The following CDKL3 variants were observed in gnomAD, a reference collection of about 807,000 sequenced individuals.
CDKL3 encodes the protein cyclin-dependent kinase-like 3.
CDKL3 carries 65 observed loss-of-function variants against 69.3 expected under a neutral mutation model. The ratio of observed to expected loss-of-function variants is 0.94; its 90% confidence interval spans 0.77 to 1.15. The LOEUF (loss-of-function observed/expected upper bound fraction) is 1.15, where lower values mean the gene tolerates loss of function less well. Ranked by LOEUF, CDKL3 falls within the 50% of genes most tolerant of loss-of-function variation. The pLI is 0.00. For synonymous variants in CDKL3, 202 were observed against 221.6 expected (o/e 0.91, Z 0.79); for missense variants, 652 against 689.2 (o/e 0.95, Z 0.61).
chr5:134,294,022 T>C (rs753872278), downstream of CDKL3, among the ~76,000 whole-genome samples: 1 of 152,034 alleles, frequency 6.6e-6, no homozygotes, highest in Middle Eastern at 3.4e-3. Context: ...GGTGGGAGGA[T>C]TGCTTGAGCC....
chr5:134,347,717 A>G (rs1466313558), intron 4 of CDKL3, among the ~76,000 whole-genome samples: 1 of 151,334 alleles, frequency 6.6e-6, no homozygotes, highest in Non-Finnish European at 1.5e-5. Flanking sequence ...AAAAAAAAAA[A>G]AAAAGAAATG....
chr5:134,297,887 AGTTTGT>A (rs1221919041), downstream of CDKL3, among the ~76,000 whole-genome samples: 36 of 121,482 alleles, frequency 3.0e-4, no homozygotes, highest in South Asian at 5.6e-3. Context: ...AACCATGAAT[AGTTTGT>A]GTGTGTGTGT....
intron 8 of CDKL3, among the ~76,000 whole-genome samples, chr5:134,288,814 G>A (rs963093253): frequency 3.3e-5 from 5 of 152,080 alleles, no homozygotes; most frequent in Admixed American, 6.6e-5. Flanking sequence ...AACTGAGGCA[G>A]CAAAGCACCA....
intron 1 of CDKL3, 82 bp downstream of exon 1, chr5:134,366,895 G>C (rs931950165): frequency 4.0e-6 from 4 of 1,003,212 alleles, no homozygotes; most frequent in Non-Finnish European, 4.8e-6. Context: ...CACTACTGCA[G>C]TCGCCCACTT....
intron 4 of CDKL3, among the ~76,000 whole-genome samples, chr5:134,330,934 AG>A (rs996643262): frequency 5.9e-5 from 9 of 152,206 alleles, no homozygotes. Context: ...GGATAATGTT[AG>A]TAAAGCCAGG....
intron 2 of CDKL3, among the ~76,000 whole-genome samples, chr5:134,363,457 C>CTT (rs869177235): frequency 1.0e-3 from 107 of 105,442 alleles, no homozygotes; most frequent in Non-Finnish European, 1.3e-3. Context: ...CCATGGCCGG[C>CTT]TTTTTTTTTT....
chr5:134,363,524 A>C (rs1756581298), intron 2 of CDKL3, among the ~76,000 whole-genome samples: 1 of 143,756 alleles, frequency 7.0e-6, no homozygotes, highest in African/African-American at 2.6e-5. Flanking sequence ...GCAGTGGCGC[A>C]ATCTCAGCTC....
chr5:134,371,502 G>T (rs1758404033), upstream of CDKL3: 2 of 1,501,068 alleles, frequency 1.3e-6, no homozygotes, highest in Non-Finnish European at 8.9e-7. Flanking sequence ...CGGCGGCGGC[G>T]GCGATCCACA....
intron 3 of CDKL3, 85 bp downstream of exon 3, chr5:134,359,812 C>A: frequency 2.3e-6 from 2 of 871,508 alleles, no homozygotes; most frequent in Non-Finnish European, 3.5e-6. Context: ...AGAATGTTAG[C>A]CACCTTCATA....
chr5:134,357,924 C>G (rs1434320660), intron 3 of CDKL3, among the ~76,000 whole-genome samples: 2 of 151,996 alleles, frequency 1.3e-5, no homozygotes, highest in African/African-American at 4.8e-5. Flanking sequence ...GCTCAAGAAC[C>G]TTCAATGGGC....
At chr5:134,300,345 T>C (rs1470873023) in intron 12 of CDKL3, among the ~76,000 whole-genome samples, 5 of 151,850 alleles carry the variant, frequency 3.3e-5, no homozygotes, top group Admixed American at 6.6e-5. Context: ...TCTCAATAAA[T>C]AAATAAATAA....
At chr5:134,331,526 A>G (rs1020093725) in intron 4 of CDKL3, among the ~76,000 whole-genome samples, 17 of 151,286 alleles carry the variant, frequency 1.1e-4, no homozygotes, top group African/African-American at 3.9e-4. Flanking sequence ...TCATTGTTCA[A>G]CTCCCACTTA....
At position 134,366,992 on chromosome 5, in the gene CDKL3, C is replaced by A; in HGVS notation, c.-37G>T. 6 of 989,838 alleles carry A rather than the reference C, an allele frequency of 6.1e-6. No homozygotes were observed. The highest frequency in any genetic ancestry group is 7.2e-6 in the Non-Finnish European group (6 of 832,928). The allele number at this position is 989,838 out of a possible 1,614,324, so 61.3% of individuals were successfully genotyped here. A position where few individuals can be genotyped will look rare whatever the true frequency, so the allele number is the denominator to read the frequency against. ...GATGCCGGACCGGCGTCACGCCCCA[C>A]GTCCCGCTGTTGACTTTATCCAAAC... is the stretch of plus-strand genomic sequence containing the variant. On this transcript the variant is annotated 5_prime_UTR_variant, in exon 1 of 13. Transcript: ENST00000265334.
intron 2 of CDKL3, among the ~76,000 whole-genome samples, chr5:134,363,957 T>TAAAA (rs1206131261): frequency 1.5e-4 from 14 of 96,416 alleles, no homozygotes; most frequent in African/African-American, 5.1e-4. Context: ...CTCCATTTCT[T>TAAAA]AAAAAAAAAA....
chr5:134,308,153 A>G lies in CDKL3; in HGVS notation c.1349T>C (p.Phe450Ser). 1.9e-6 allele frequency: 3 copies of G among 1,612,210 alleles called. No homozygotes were observed. Among genetic ancestry groups the G allele is most frequent in the African/African-American group, 1.3e-5 (1 of 75,030 alleles). ...LMAANLSSNL[F>S]HPSVRLTERA... ...TACAGCTCACCTCACACTGGGGTGAAAGAGATTTGAACTGAGATTTGCAGC... is the reference window on the plus strand; with the variant it reads ...TACAGCTCACCTCACACTGGGGTGAGAGAGATTTGAACTGAGATTTGCAGC... Residue 450 changes from phenylalanine (F) to serine (S), a missense_variant, in exon 9 of 13, where the codon TTT becomes TCT. Physicochemically the swap from Phe to Ser is radical, Grantham distance 155. Coordinates refer to ENST00000265334, the MANE Select transcript of CDKL3 (RefSeq NM_001113575.2).
intron 3 of CDKL3, among the ~76,000 whole-genome samples, chr5:134,350,738 G>A (rs1034545030): frequency 6.6e-6 from 1 of 151,306 alleles, no homozygotes; most frequent in Non-Finnish European, 1.5e-5. Context: ...CTAGTACTTT[G>A]GGAGGCCAAG....
At position 134,367,089 on chromosome 5, in the gene CDKL3, A is replaced by G; in HGVS notation, c.-134T>C. 3 of 986,564 alleles carry G rather than the reference A, an allele frequency of 3.0e-6. No individual in the cohort carries two copies. The highest frequency in any genetic ancestry group is 3.6e-6 in the Non-Finnish European group (3 of 830,738). The allele number at this position is 986,564 out of a possible 1,614,324, so 61.1% of individuals were successfully genotyped here. A position where few individuals can be genotyped will look rare whatever the true frequency, so the allele number is the denominator to read the frequency against. On this transcript the variant is annotated 5_prime_UTR_variant, in exon 1 of 13. Transcript: ENST00000265334. ...TGCGTAGTTCCAGTGGAGCCACCGA[A>G]CACTGATACTACTTTGTTGCTCAGC...
intron 8 of CDKL3, among the ~76,000 whole-genome samples, chr5:134,291,177 C>T (rs956335359): frequency 3.3e-5 from 5 of 152,020 alleles, no homozygotes; most frequent in Non-Finnish European, 7.4e-5. Flanking sequence ...AGGAAGAGAT[C>T]AGGACTTTAA....
chr5:134,323,241 A>G (rs1307210094), intron 4 of CDKL3, among the ~76,000 whole-genome samples: 1 of 152,224 alleles, frequency 6.6e-6, no homozygotes, highest in Non-Finnish European at 1.5e-5. Context: ...GGTAACACAC[A>G]TATGTAAATT....
Sources: allele counts gnomAD v4.1 joint callset (sites outside exome capture counted in the v4.1 genomes callset), GRCh38; gene constraint gnomAD v4.1.1; transcripts MANE v1.5; gene names NCBI Gene and HGNC (gene_info 2026-07-23, HGNC 2026-07-21).